The following TTLL9 variants were observed in gnomAD, a reference collection of about 807,000 sequenced individuals.
The protein encoded by TTLL9 is probable tubulin polyglutamylase TTLL9.
A neutral mutation model predicts 65.6 loss-of-function variants in TTLL9; 47 were observed. The observed-to-expected ratio is 0.72, with a 90% CI of 0.57 to 0.91. TTLL9 has a LOEUF of 0.91. TTLL9 is among the 40% of genes least tolerant of loss of function. TTLL9 has a pLI of 0.00. For synonymous variants in TTLL9, 179 were observed against 204.8 expected (o/e 0.87, Z 1.07); for missense variants, 537 against 568.8 (o/e 0.94, Z 0.57).
chr20:31,917,247 C>T (rs2063749817), intron 6 of TTLL9, among the ~76,000 whole-genome samples: 1 of 152,186 alleles, frequency 6.6e-6, no homozygotes, highest in Admixed American at 6.5e-5. Flanking sequence ...CACAACCCCC[C>T]AAGGCACTAA....
At chr20:31,920,165 C>A (rs761737340) in intron 7 of TTLL9, among the ~76,000 whole-genome samples, 4 of 152,132 alleles carry the variant, frequency 2.6e-5, no homozygotes, top group Non-Finnish European at 2.9e-5. Context: ...CCTGTCAGTG[C>A]CCCAGTAAAT....
chr20:31,925,000 G>C lies in TTLL9; in HGVS notation c.665-9G>C. The C allele has an allele frequency of 6.2e-7, 1 of 1,613,972 alleles. No individual in the cohort carries two copies. Among genetic ancestry groups the C allele is most frequent in the South Asian group, 1.1e-5 (1 of 91,068 alleles). On this transcript the variant is annotated splice_polypyrimidine_tract_variant and intron_variant, in intron 8 of 14. Coordinates refer to ENST00000535842, the MANE Select transcript of TTLL9 (RefSeq NM_001008409.5). ...TGTTGCACAAATTAATTTTTTCCTTGCCTGACAGGCCGCAAGTTTGACCTG... is the reference window on the plus strand; with the variant it reads ...TGTTGCACAAATTAATTTTTTCCTTCCCTGACAGGCCGCAAGTTTGACCTG...
At chr20:31,924,964 C>T (rs372387522) in intron 8 of TTLL9, 45 bp from the exon 9 acceptor site, 17 of 1,608,186 alleles carry the variant, frequency 1.1e-5, no homozygotes, top group Middle Eastern at 1.7e-4. Flanking sequence ...CAATGTCTGA[C>T]GATCAATATT....
At chr20:31,923,455 G>C (rs1248146146) in intron 8 of TTLL9, among the ~76,000 whole-genome samples, 1 of 152,202 alleles carries the variant, frequency 6.6e-6, no homozygotes, top group South Asian at 2.1e-4. Context: ...CCCATGCAGT[G>C]CTGGGTGCTA....
intron 3 of TTLL9, among the ~76,000 whole-genome samples, chr20:31,890,142 CTTCCTTCCTTCCTTCTTTCT>C (rs2063279219): frequency 2.4e-4 from 6 of 25,118 alleles, no homozygotes; most frequent in Admixed American, 2.3e-3. Flanking sequence ...TCCTTCCTTC[CTTCCTTCCTTCCTTCTTTCT>C]TTCTTTCTTT....
chr20:31,904,881 G>C (rs529149015), intron 4 of TTLL9, among the ~76,000 whole-genome samples: 1 of 152,256 alleles, frequency 6.6e-6, no homozygotes, highest in African/African-American at 2.4e-5. Flanking sequence ...CTGAGGCCCA[G>C]AGAAGAGGGC....
intron 8 of TTLL9, among the ~76,000 whole-genome samples, chr20:31,924,081 C>G (rs1172052654): frequency 6.6e-6 from 1 of 152,060 alleles, no homozygotes; most frequent in Admixed American, 6.5e-5. Flanking sequence ...GGGTGTGTCC[C>G]CCTTCCCCTT....
intron 6 of TTLL9, among the ~76,000 whole-genome samples, chr20:31,913,074 C>A (rs2063680760): frequency 6.6e-6 from 1 of 152,008 alleles, no homozygotes; most frequent in African/African-American, 2.4e-5. Flanking sequence ...GTGGGAGGAC[C>A]ACTTGGGCCT....
intron 10 of TTLL9, among the ~76,000 whole-genome samples, chr20:31,932,175 C>T (rs1247785524): frequency 1.3e-5 from 2 of 151,960 alleles, no homozygotes; most frequent in African/African-American, 2.4e-5. Flanking sequence ...CCTGTCTCTG[C>T]AAAAAATAAA....
chr20:31,924,648 G>A (rs958076211), intron 8 of TTLL9, among the ~76,000 whole-genome samples: 2 of 151,764 alleles, frequency 1.3e-5, no homozygotes, highest in African/African-American at 4.8e-5. Flanking sequence ...GCAGGGTCAC[G>A]ATCATAGCTC....
chr20:31,889,735 A>ATT (rs57593267), intron 3 of TTLL9, among the ~76,000 whole-genome samples: 5 of 143,638 alleles, frequency 3.5e-5, no homozygotes, highest in Non-Finnish European at 7.6e-5. Flanking sequence ...AATTTTTTTA[A>ATT]TTTTTTTTTT....
intron 6 of TTLL9, among the ~76,000 whole-genome samples, chr20:31,916,640 C>T (rs1219681442): frequency 6.6e-6 from 1 of 152,214 alleles, no homozygotes; most frequent in African/African-American, 2.4e-5. Context: ...GGCTCCTTCT[C>T]TCCATCGACT....
intron 2 of TTLL9, among the ~76,000 whole-genome samples, chr20:31,876,060 T>G (rs1261582055): frequency 1.3e-5 from 2 of 152,268 alleles, no homozygotes; most frequent in African/African-American, 2.4e-5. Context: ...TTTCTCATTC[T>G]ACAACTTTCT....
Position 31,870,853 on chromosome 20 carries a change from A to C in TTLL9, c.-102A>C. 1 of 545,464 alleles carries C rather than the reference A, an allele frequency of 1.8e-6. No individual in the cohort carries two copies. The highest frequency in any genetic ancestry group is 3.1e-5 in the East Asian group (1 of 32,648). 33.8% of individuals were successfully genotyped at this position (545,464 alleles called of 1,614,324 possible). A position where few individuals can be genotyped will look rare whatever the true frequency, so the allele number is the denominator to read the frequency against. On this transcript the variant is annotated 5_prime_UTR_variant, in exon 1 of 15. Transcript: ENST00000535842. The surrounding 1 kb of genome is among the most constrained non-coding windows in gnomAD (Gnocchi z 6.6). ...CTGCGGGCCCCGGGGGAAAGCACCC[A>C]ACTTCTCCCGCCTCGGCTTCTAGCA...
chr20:31,903,040 GT>G (rs924322765), intron 4 of TTLL9, among the ~76,000 whole-genome samples: 74 of 148,526 alleles, frequency 5.0e-4, no homozygotes, highest in Non-Finnish European at 1.0e-3. Context: ...AATGTTTTAA[GT>G]TTTTTTTTTG....
intron 8 of TTLL9, among the ~76,000 whole-genome samples, chr20:31,923,374 C>T (rs1330908570): frequency 6.6e-6 from 1 of 152,216 alleles, no homozygotes; most frequent in Non-Finnish European, 1.5e-5. Context: ...CTGCCCCTCA[C>T]CCTGCTCTCC....
intron 2 of TTLL9, among the ~76,000 whole-genome samples, chr20:31,878,274 T>G (rs1201180845): frequency 6.6e-6 from 1 of 152,230 alleles, no homozygotes; most frequent in Non-Finnish European, 1.5e-5. Flanking sequence ...TGCAGACAGT[T>G]CTGATGGACA....
Position 31,943,379 on chromosome 20 carries a change from G to C in TTLL9, c.*358G>C, listed in dbSNP as rs2064254081. 2.9e-6 allele frequency: 1 copy of C among 348,108 alleles called. No homozygotes were observed. Among genetic ancestry groups the C allele is most frequent in the Middle Eastern group, 9.1e-4 (1 of 1,098 alleles). 21.6% of individuals were successfully genotyped at this position (348,108 alleles called of 1,614,324 possible). On this transcript the variant is annotated 3_prime_UTR_variant, in exon 15 of 15. Transcript: ENST00000535842. ...CCCTACTTGGAGTCACTGGGCACCA[G>C]GCCTGGTTCCGGGGATACTGTTGGC...
chr20:31,908,675 G>A lies in TTLL9; in HGVS notation c.291G>A (p.Arg97=), dbSNP rs1399405682. The change falls in exon 5 of 15, where the codon CGG becomes CGA. Residue 97 remains arginine, a synonymous_variant. Transcript: ENST00000535842. ...FDHTYMDEHV[R]ISHFRNHYEL... ...ACACCTACATGGATGAACATGTGCG[G>A]ATCAGTCACTTCCGGAACCACTATG... 1 of 1,614,178 alleles carries A rather than the reference G, an allele frequency of 6.2e-7. No individual in the cohort carries two copies. The highest frequency in any genetic ancestry group is 1.1e-5 in the South Asian group (1 of 91,078).
Sources: gnomAD v4.1 joint callset for allele counts (sites outside exome capture counted in the v4.1 genomes callset) on GRCh38, gnomAD v4.1.1 for gene constraint, Gnocchi (gnomAD v3.1) non-coding constraint, MANE v1.5 for transcripts, NCBI Gene and HGNC (gene_info 2026-07-23, HGNC 2026-07-21) for gene names.